Variants in SLC25A21 observed in about 807,000 individuals in gnomAD.
SLC25A21 encodes the protein solute carrier family 25 member 21.
SLC25A21 carries 47 observed loss-of-function variants against 43.8 expected under a neutral mutation model. The ratio of observed to expected loss-of-function variants is 1.07; its 90% CI spans 0.85 to 1.37. The LOEUF (loss-of-function observed/expected upper bound fraction) is 1.37, where lower values mean the gene tolerates loss of function less well. Ranked by LOEUF, SLC25A21 falls within the 40% of genes most tolerant of loss-of-function variation. The pLI, the probability that SLC25A21 is intolerant of heterozygous loss-of-function variation, is 0.00. For synonymous variants in SLC25A21, 131 were observed against 121.3 expected (o/e 1.08, Z -0.52); for missense variants, 352 against 350.2 (o/e 1.00, Z -0.04).
chr14:37,055,284 G>A (rs74045464), intron 1 of SLC25A21, among the ~76,000 whole-genome samples: 1,824 of 152,284 alleles, frequency 0.012, 28 homozygotes, highest in African/African-American at 0.042. Flanking sequence ...CAGATGTCAC[G>A]ATGAGATGAA....
intron 1 of SLC25A21, among the ~76,000 whole-genome samples, chr14:37,104,266 A>C (rs1276657557): frequency 6.6e-6 from 1 of 152,214 alleles, no homozygotes; most frequent in Non-Finnish European, 1.5e-5. Context: ...CATGTGAGGA[A>C]GCAGCAAGAA....
At position 36,679,924 on chromosome 14, in the gene SLC25A21, T is replaced by C. The variant is rs1882131820; in HGVS notation, c.*734A>G. On this transcript the variant is annotated 3_prime_UTR_variant, in exon 10 of 10. Transcript: ENST00000331299. The stretch of plus-strand genomic sequence containing the variant: ...TTTCCTACTTGTGTTAGAAGAGATT[T>C]GGAATACCTTGATTTAAACATGCTT... 1 of 931,306 alleles carries C rather than the reference T, an allele frequency of 1.1e-6. No homozygotes were observed. Among genetic ancestry groups the C allele is most frequent in the South Asian group, 5.0e-5 (1 of 19,982 alleles). 57.7% of individuals were successfully genotyped at this position (931,306 alleles called of 1,614,324 possible). A position where few individuals can be genotyped will look rare whatever the true frequency, so the allele number is the denominator to read the frequency against.
Position 36,742,189 on chromosome 14 carries a change from CA to C in SLC25A21, c.204-7617del, listed in dbSNP as rs368357670. 6.0e-3 allele frequency among the ~76,000 whole-genome samples: 907 copies of C among 152,132 alleles called. 2 individuals carry two copies. The highest frequency in any genetic ancestry group is 9.1e-3 in the Non-Finnish European group (620 of 67,972). ...GTTGTTTTCTTCCTCTTTCTTTTTTCACAAAATTTTTCCTTTAAGGATCTCC... is the reference window on the plus strand; with the variant it reads ...GTTGTTTTCTTCCTCTTTCTTTTTTCCAAAATTTTTCCTTTAAGGATCTCC... On this transcript the variant is annotated intron_variant, in intron 3 of 9. Coordinates refer to ENST00000331299, the MANE Select transcript of SLC25A21 (RefSeq NM_030631.4).
At chr14:36,949,609 T>A (rs1892757005) in intron 1 of SLC25A21, among the ~76,000 whole-genome samples, 1 of 152,202 alleles carries the variant, frequency 6.6e-6, no homozygotes, top group African/African-American at 2.4e-5. Flanking sequence ...CTTTCTACAG[T>A]CAGTTCCCTG....
chr14:36,992,159 C>T (rs1960277782), intron 1 of SLC25A21, among the ~76,000 whole-genome samples: 1 of 152,202 alleles, frequency 6.6e-6, no homozygotes, highest in Admixed American at 6.5e-5. Context: ...CCCTGAGAAT[C>T]TATCTGTGGG....
At chr14:36,699,636 T>C (rs968093920) in intron 7 of SLC25A21, among the ~76,000 whole-genome samples, 2 of 152,178 alleles carry the variant, frequency 1.3e-5, no homozygotes, top group Non-Finnish European at 2.9e-5. Flanking sequence ...TTTGTTTACC[T>C]ACTCAAGCCT....
chr14:36,836,055 T>C (rs1478177571), intron 2 of SLC25A21, among the ~76,000 whole-genome samples: 2 of 152,184 alleles, frequency 1.3e-5, no homozygotes, highest in African/African-American at 4.8e-5. Flanking sequence ...CATTTGGCAA[T>C]CTCCCTCCTG....
At chr14:36,742,069 T>A (rs537806166) in intron 3 of SLC25A21, among the ~76,000 whole-genome samples, 2 of 152,218 alleles carry the variant, frequency 1.3e-5, no homozygotes, top group African/African-American at 2.4e-5. Flanking sequence ...TTCCATTTCT[T>A]GTATGGAAGC....
At chr14:37,140,404 T>G (rs1284885236) in intron 1 of SLC25A21, among the ~76,000 whole-genome samples, 1 of 152,214 alleles carries the variant, frequency 6.6e-6, no homozygotes, top group African/African-American at 2.4e-5. Context: ...AATGACTTGA[T>G]GAAATGAACA....
intron 1 of SLC25A21, among the ~76,000 whole-genome samples, chr14:36,978,075 A>G (rs1959923556): frequency 6.6e-6 from 1 of 152,192 alleles, no homozygotes; most frequent in Non-Finnish European, 1.5e-5. Context: ...ATGTGATTAT[A>G]AAGTGCTATT....
intron 1 of SLC25A21, among the ~76,000 whole-genome samples, chr14:37,066,047 C>G (rs757628003): frequency 1.3e-5 from 2 of 152,090 alleles, no homozygotes; most frequent in South Asian, 2.1e-4. Context: ...AACCCACAAG[C>G]TGCTTATTAG....
chr14:36,902,912 G>A (rs2138600055), intron 1 of SLC25A21, among the ~76,000 whole-genome samples: 1 of 152,252 alleles, frequency 6.6e-6, no homozygotes, highest in Non-Finnish European at 1.5e-5. Flanking sequence ...TTGAGGCCAG[G>A]TGGTTGAGGC....
chr14:37,122,714 T>G (rs1458291588), intron 1 of SLC25A21, among the ~76,000 whole-genome samples: 1 of 152,194 alleles, frequency 6.6e-6, no homozygotes, highest in East Asian at 1.9e-4. Context: ...TTTGGATATA[T>G]CAGGGAATAT....
chr14:36,942,398 C>T (rs1329026364), intron 1 of SLC25A21, among the ~76,000 whole-genome samples: 8 of 152,194 alleles, frequency 5.3e-5, no homozygotes, highest in African/African-American at 1.4e-4. Context: ...GGAGCAGAAC[C>T]GTGCTGGCAC....
At chr14:37,027,784 T>G (rs1443856815) in intron 1 of SLC25A21, among the ~76,000 whole-genome samples, 1 of 152,226 alleles carries the variant, frequency 6.6e-6, no homozygotes, top group Non-Finnish European at 1.5e-5. Flanking sequence ...GGTTAAGTAA[T>G]TATTGCTCTA....
At chr14:37,006,571 A>G (rs915528909) in intron 1 of SLC25A21, among the ~76,000 whole-genome samples, 4 of 151,746 alleles carry the variant, frequency 2.6e-5, no homozygotes, top group African/African-American at 9.7e-5. Flanking sequence ...TAGCTGGGGG[A>G]AAAAAAAGGA....
chr14:36,817,079 G>A (rs993864589), intron 2 of SLC25A21, among the ~76,000 whole-genome samples: 1 of 151,992 alleles, frequency 6.6e-6, no homozygotes, highest in Non-Finnish European at 1.5e-5. Flanking sequence ...ATTTATCTCA[G>A]CAAATTTCTT....
At chr14:36,838,731 G>A (rs1337507465) in intron 2 of SLC25A21, among the ~76,000 whole-genome samples, 3 of 152,256 alleles carry the variant, frequency 2.0e-5, no homozygotes, top group Admixed American at 6.5e-5. Flanking sequence ...TGGCACATTC[G>A]CCAATATTTC....
intron 1 of SLC25A21, among the ~76,000 whole-genome samples, chr14:37,100,305 G>A (rs79908775): frequency 0.041 from 6,196 of 151,812 alleles, 438 homozygotes; most frequent in African/African-American, 0.14. Context: ...GTGTTTCCCC[G>A]CCTCGGCCTC....
Sources: allele counts gnomAD v4.1 joint callset (sites outside exome capture counted in the v4.1 genomes callset), GRCh38; gene constraint gnomAD v4.1.1; transcripts MANE v1.5; gene names NCBI Gene and HGNC (gene_info 2026-07-23, HGNC 2026-07-21).